Variants in SPIDR observed in about 807,000 individuals in gnomAD.
The protein encoded by SPIDR is scaffold protein involved in DNA repair, also known as DNA repair-scaffolding protein.
A neutral mutation model predicts 104.6 loss-of-function variants in SPIDR; 93 were observed. The ratio of observed to expected loss-of-function variants is 0.89; its 90% CI spans 0.75 to 1.06. SPIDR has a LOEUF of 1.06. SPIDR is among the 50% of genes least tolerant of loss of function. The pLI is 0.00. For missense variants in SPIDR, 1,154 were observed against 1,111.2 expected (o/e 1.04, Z -0.55); for synonymous variants, 431 against 416.9 (o/e 1.03, Z -0.41).
intron 10 of SPIDR, among the ~76,000 whole-genome samples, chr8:47,658,082 G>T (rs866416844): frequency 6.7e-6 from 1 of 150,172 alleles, no homozygotes; most frequent in Non-Finnish European, 1.5e-5. Context: ...GGCAAAAGAG[G>T]TATCTTTGAA....
At chr8:47,512,140 G>T (rs758663122) in intron 8 of SPIDR, 3 of 439,780 alleles carry the variant, frequency 6.8e-6, no homozygotes, top group Non-Finnish European at 1.3e-5. Context: ...TTGCTCCGCT[G>T]CCGTCTTCAT....
intron 5 of SPIDR, among the ~76,000 whole-genome samples, chr8:47,383,518 T>C (rs1471851564): frequency 6.6e-6 from 1 of 152,120 alleles, no homozygotes; most frequent in Non-Finnish European, 1.5e-5. Flanking sequence ...ATCAGTGGAG[T>C]TGGAGGTGGA....
intron 10 of SPIDR, among the ~76,000 whole-genome samples, chr8:47,608,787 G>A (rs534269417): frequency 1.3e-5 from 2 of 152,302 alleles, no homozygotes; most frequent in South Asian, 4.1e-4. Flanking sequence ...GCAGTGGCAC[G>A]ATCTCAGCTC....
At chr8:47,535,689 T>TA (rs918667524) in intron 8 of SPIDR, among the ~76,000 whole-genome samples, 1 of 151,062 alleles carries the variant, frequency 6.6e-6, no homozygotes, top group Non-Finnish European at 1.5e-5. Context: ...TTTTTGATGT[T>TA]AAAAAAAAAT....
At chr8:47,420,986 G>A (rs952781872) in intron 7 of SPIDR, among the ~76,000 whole-genome samples, 1 of 152,262 alleles carries the variant, frequency 6.6e-6, no homozygotes, top group Non-Finnish European at 1.5e-5. Context: ...TCAGCTGTTA[G>A]TCTGATGGGC....
intron 8 of SPIDR, among the ~76,000 whole-genome samples, chr8:47,468,001 TCAA>T (rs1249833361): frequency 6.6e-6 from 1 of 152,128 alleles, no homozygotes; most frequent in Non-Finnish European, 1.5e-5. Flanking sequence ...ATAAACAGCT[TCAA>T]CAAAGTCTCA....
chr8:47,624,179 T>G (rs1315847340), intron 10 of SPIDR, among the ~76,000 whole-genome samples: 1 of 152,188 alleles, frequency 6.6e-6, no homozygotes, highest in Non-Finnish European at 1.5e-5. Context: ...AGATGTTCTT[T>G]GAAACCAATG....
intron 16 of SPIDR, among the ~76,000 whole-genome samples, chr8:47,722,704 T>C (rs2083573748): frequency 1.3e-5 from 2 of 152,254 alleles, no homozygotes; most frequent in South Asian, 4.1e-4. Flanking sequence ...ATGAAAATCA[T>C]TCTATACAAG....
At position 47,343,306 on chromosome 8, in the gene SPIDR, G is replaced by A. The variant is rs150354608; in HGVS notation, c.525+49276G>A. 6.6e-4 allele frequency among the ~76,000 whole-genome samples: 101 copies of A among 152,224 alleles called. No individual in the cohort carries two copies. In the East Asian group the frequency reaches 0.019, roughly 29 times the overall value. ...GACTTTTGTGTTAGGGGAGAGACTC[G>A]AGTCTCTTCTTTAGGTTAATATTTC... is the stretch of plus-strand genomic sequence containing the variant. On this transcript the variant is annotated intron_variant, in intron 5 of 19. Coordinates refer to ENST00000297423, the MANE Select transcript of SPIDR (RefSeq NM_001080394.4).
intron 10 of SPIDR, among the ~76,000 whole-genome samples, chr8:47,642,903 T>C (rs2069422656): frequency 6.6e-6 from 1 of 152,052 alleles, no homozygotes; most frequent in Admixed American, 6.6e-5. Flanking sequence ...AATAAATAAA[T>C]GGAAAAACAA....
intron 10 of SPIDR, among the ~76,000 whole-genome samples, chr8:47,614,893 T>C (rs2064089023): frequency 6.6e-6 from 1 of 152,224 alleles, no homozygotes; most frequent in Non-Finnish European, 1.5e-5. Flanking sequence ...ATCACCATCC[T>C]GACTGACATG....
intron 8 of SPIDR, among the ~76,000 whole-genome samples, chr8:47,584,673 C>G (rs961667401): frequency 6.6e-6 from 1 of 152,174 alleles, no homozygotes; most frequent in Non-Finnish European, 1.5e-5. Flanking sequence ...TTACCTACTG[C>G]TTCCTTCTTC....
chr8:47,559,488 A>G (rs2056800036), intron 8 of SPIDR, among the ~76,000 whole-genome samples: 1 of 152,216 alleles, frequency 6.6e-6, no homozygotes, highest in Non-Finnish European at 1.5e-5. Context: ...TGAGCTGGTC[A>G]TCCAGTTACC....
chr8:47,670,243 G>C (rs1158185972), intron 10 of SPIDR, among the ~76,000 whole-genome samples: 2 of 152,090 alleles, frequency 1.3e-5, no homozygotes, highest in African/African-American at 4.8e-5. Flanking sequence ...GAATGGAGAA[G>C]CAAGTCACGT....
At chr8:47,307,683 C>A (rs961607474) in intron 5 of SPIDR, among the ~76,000 whole-genome samples, 7 of 151,432 alleles carry the variant, frequency 4.6e-5, no homozygotes, top group African/African-American at 1.7e-4. Context: ...AGATTACAGG[C>A]GTGTGCCACC....
chr8:47,566,233 C>T (rs913313875), intron 8 of SPIDR, among the ~76,000 whole-genome samples: 13 of 151,134 alleles, frequency 8.6e-5, no homozygotes, highest in Admixed American at 4.0e-4. Flanking sequence ...CTTGAATTCC[C>T]GACCTCAGGT....
intron 7 of SPIDR, among the ~76,000 whole-genome samples, chr8:47,427,761 C>T (rs1387929300): frequency 2.0e-5 from 3 of 152,084 alleles, no homozygotes; most frequent in East Asian, 3.9e-4. Flanking sequence ...TCGGTCTTGT[C>T]GCAAGCGTGT....
chr8:47,396,595 C>A lies in SPIDR; in HGVS notation c.745C>A (p.Pro249Thr). The A allele has an allele frequency of 6.2e-7, 1 of 1,613,308 alleles. No individual in the cohort carries two copies. Among genetic ancestry groups the A allele is most frequent in the Non-Finnish European group, 8.5e-7 (1 of 1,179,756 alleles). Residue 249 changes from proline (P) to threonine (T), a missense_variant, in exon 6 of 20, where the codon CCA becomes ACA. By Grantham distance (38) the Pro-to-Thr change is conservative (BLOSUM62 -1). Coordinates refer to ENST00000297423, the MANE Select transcript of SPIDR (RefSeq NM_001080394.4). ...QKPTAKFPRTPENSAKKKLLR... is the reference protein window; with the variant it reads ...QKPTAKFPRTTENSAKKKLLR... ...ACCCACAGCTAAGTTTCCCAGGACT[C>A]CAGAAAATTCAGCAAAGAAGAAGCT...
intron 7 of SPIDR, among the ~76,000 whole-genome samples, chr8:47,417,413 C>T (rs1351498038): frequency 2.0e-5 from 3 of 152,334 alleles, no homozygotes; most frequent in Non-Finnish European, 2.9e-5. Flanking sequence ...CTCTTGGCTG[C>T]ATAAATGTCT....
Sources: allele counts gnomAD v4.1 joint callset (sites outside exome capture counted in the v4.1 genomes callset), GRCh38; gene constraint gnomAD v4.1.1; transcripts MANE v1.5; gene names NCBI Gene and HGNC (gene_info 2026-07-23, HGNC 2026-07-21).